The following PFKFB3 variants were observed in gnomAD, a reference collection of about 807,000 sequenced individuals.
PFKFB3 encodes 6-phosphofructo-2-kinase/fructose-2,6-biphosphatase 3.
In PFKFB3, 33 loss-of-function variants were observed where a neutral mutation model predicts 68.0. That is an observed-to-expected ratio of 0.49 (90% CI 0.37 to 0.65). The LOEUF (loss-of-function observed/expected upper bound fraction) is 0.65. PFKFB3 is among the 30% of genes least tolerant of loss of function. PFKFB3 has a pLI of 0.00. For missense variants in PFKFB3, 586 were observed against 712.2 expected (o/e 0.82, Z 2.02); for synonymous variants, 315 against 288.2 (o/e 1.09, Z -0.94).
intron 1 of PFKFB3, among the ~76,000 whole-genome samples, chr10:6,192,677 G>A (rs868606404): frequency 0.012 from 1,761 of 148,538 alleles, 18 homozygotes; most frequent in Middle Eastern, 0.02. Context: ...GTGTGTGTGT[G>A]TGTGTGTGTG....
chr10:6,174,090 TAGA>T (rs752158046), intron 1 of PFKFB3, among the ~76,000 whole-genome samples: 3 of 152,088 alleles, frequency 2.0e-5, no homozygotes, highest in East Asian at 1.9e-4. Flanking sequence ...CAAGTTCCAG[TAGA>T]AGGAGTCATT....
intron 1 of PFKFB3, among the ~76,000 whole-genome samples, chr10:6,171,695 G>T (rs895465008): frequency 2.0e-5 from 3 of 152,192 alleles, no homozygotes; most frequent in African/African-American, 4.8e-5. Context: ...TGCTGGCCTA[G>T]ATATCTATTT....
intron 11 of PFKFB3, 89 bp downstream of exon 11, chr10:6,223,073 C>G (rs1845081399): frequency 1.5e-6 from 2 of 1,371,930 alleles, no homozygotes; most frequent in Non-Finnish European, 2.0e-6. Flanking sequence ...CGTGGCCTGC[C>G]CTGTGTTGGC....
At chr10:6,321,793 C>T in the PFKFB3 span, among the ~76,000 whole-genome samples, 302 of 152,280 alleles carry the variant, frequency 2.0e-3, 1 homozygote, top group African/African-American at 6.7e-3. Context: ...ACTGATGGCT[C>T]AACTCTATGT....
intron 14 of PFKFB3, among the ~76,000 whole-genome samples, chr10:6,243,575 T>C (rs1007878369): frequency 1.3e-5 from 2 of 152,340 alleles, no homozygotes; most frequent in East Asian, 3.9e-4. Flanking sequence ...CCATAGAGGC[T>C]GAGACGTTTT....
At chr10:6,171,180 T>C (rs1244047805) in intron 1 of PFKFB3, among the ~76,000 whole-genome samples, 1 of 152,014 alleles carries the variant, frequency 6.6e-6, no homozygotes, top group East Asian at 1.9e-4. Flanking sequence ...CCCGAGTAGC[T>C]GGGATTACAG....
chr10:6,180,404 A>G (rs1842677025), intron 1 of PFKFB3, among the ~76,000 whole-genome samples: 1 of 152,236 alleles, frequency 6.6e-6, no homozygotes, highest in African/African-American at 2.4e-5. Context: ...ACATAGCAGA[A>G]TAGCCATTGT....
the PFKFB3 span, among the ~76,000 whole-genome samples, chr10:6,274,869 A>G: frequency 1.7e-4 from 25 of 150,514 alleles, no homozygotes; most frequent in African/African-American, 5.1e-4. Flanking sequence ...TGCAATAACC[A>G]TCATGTGCCA....
At chr10:6,264,358 C>G in the PFKFB3 span, among the ~76,000 whole-genome samples, 8 of 151,826 alleles carry the variant, frequency 5.3e-5, no homozygotes, top group African/African-American at 1.7e-4. Context: ...CTAGAATAAG[C>G]TTTTTAATTT....
At chr10:6,210,348 TTTTTTTTGTTTTTTTG>T (rs1356660719) in intron 1 of PFKFB3, among the ~76,000 whole-genome samples, 2 of 29,596 alleles carry the variant, frequency 6.8e-5, no homozygotes, top group Non-Finnish European at 2.3e-4. Context: ...TTTTTTTTGT[TTTTTTTTGTTTTTTTG>T]TTTTTTTTTT....
chr10:6,326,467 C>T, the PFKFB3 span: 54 of 436,610 alleles, frequency 1.2e-4, 1 homozygote, highest in South Asian at 7.2e-4. Context: ...AAAGAATGAA[C>T]GTGGTCTATA....
At chr10:6,161,838 A>G (rs1056519098) in intron 1 of PFKFB3, among the ~76,000 whole-genome samples, 7 of 152,192 alleles carry the variant, frequency 4.6e-5, no homozygotes, top group African/African-American at 1.7e-4. Context: ...GGGTTTCACT[A>G]TGTTGCCCAG....
the PFKFB3 span, among the ~76,000 whole-genome samples, chr10:6,310,312 G>A: frequency 1.3e-5 from 2 of 151,744 alleles, no homozygotes; most frequent in Non-Finnish European, 2.9e-5. Flanking sequence ...TTTTTTTGCC[G>A]TGTTAGTTAG....
intron 1 of PFKFB3, among the ~76,000 whole-genome samples, chr10:6,155,426 G>A (rs1347304517): frequency 4.6e-5 from 7 of 151,804 alleles, no homozygotes; most frequent in African/African-American, 1.5e-4. Flanking sequence ...GGATGGTCTC[G>A]ATCTCCTGAC....
the PFKFB3 span, among the ~76,000 whole-genome samples, chr10:6,315,636 G>A: frequency 2.6e-5 from 4 of 152,064 alleles, no homozygotes; most frequent in Non-Finnish European, 4.4e-5. Context: ...GACATGCACC[G>A]CCATGGCTGG....
intron 1 of PFKFB3, among the ~76,000 whole-genome samples, chr10:6,193,224 G>A (rs1488657283): frequency 6.6e-6 from 1 of 152,088 alleles, no homozygotes; most frequent in East Asian, 1.9e-4. Context: ...GGTGGCATGC[G>A]CCCATAATCC....
chr10:6,294,073 C>G, the PFKFB3 span: 2 of 502,858 alleles, frequency 4.0e-6, no homozygotes. Flanking sequence ...GAAGGTCTTG[C>G]TACCAACTGG....
chr10:6,149,354 A>G (rs144642096), intron 1 of PFKFB3, among the ~76,000 whole-genome samples: 6,422 of 151,660 alleles, frequency 0.042, 221 homozygotes, highest in Admixed American at 0.1. Context: ...TGGGAGGCCA[A>G]GGCGGGTGGA....
intron 1 of PFKFB3, among the ~76,000 whole-genome samples, chr10:6,209,068 T>C (rs574884589): frequency 1.3e-5 from 2 of 152,322 alleles, no homozygotes; most frequent in African/African-American, 4.8e-5. Context: ...ACCCAGTGCA[T>C]GTACCTGGTG....
Sources: allele counts gnomAD v4.1 joint callset (sites outside exome capture counted in the v4.1 genomes callset), GRCh38; gene constraint gnomAD v4.1.1; transcripts MANE v1.5; gene names NCBI Gene and HGNC (gene_info 2026-07-23, HGNC 2026-07-21).